The following DNAH14 variants were observed in gnomAD, a reference collection of about 807,000 sequenced individuals.
DNAH14 encodes dynein axonemal heavy chain 14.
Under a neutral mutation model 520.9 loss-of-function variants are expected in DNAH14, and 478 were observed. The observed-to-expected ratio is 0.92, with a 90% CI of 0.85 to 0.99. The LOEUF (loss-of-function observed/expected upper bound fraction) is 0.99, where lower values mean the gene tolerates loss of function less well. DNAH14 is among the 50% of genes least tolerant of loss of function. The probability of loss-of-function intolerance (pLI) is 0.00; values close to 1 mark genes in which losing one functional copy is unlikely to be tolerated. For missense variants in DNAH14, 4,831 were observed against 5,234.5 expected (o/e 0.92, Z 2.38); for synonymous variants, 1,581 against 1,757.2 (o/e 0.90, Z 2.51).
chr1:225,319,727 G>A (rs902494055), intron 61 of DNAH14, among the ~76,000 whole-genome samples: 3 of 152,112 alleles, frequency 2.0e-5, no homozygotes, highest in South Asian at 2.1e-4. Context: ...GCCCTGTTCT[G>A]GGCACTGAGG....
Position 225,398,547 on chromosome 1 carries a change from T to A in DNAH14, c.13519T>A (p.Tyr4507Asn), listed in dbSNP as rs1427152958. Residue 4507 changes from tyrosine to asparagine, a missense_variant, in exon 85 of 86, where the codon TAC becomes AAC. By Grantham distance (143) the Tyr-to-Asn change is moderately radical (BLOSUM62 -2). Coordinates refer to ENST00000682510, the MANE Select transcript of DNAH14 (RefSeq NM_001367479.1). ...CTCAGCTTCCTCTCACACTGGAGTT[T>A]ACATTTTTGGTTTATTCATCGAGGG... The part of the protein sequence containing the change: ...KGSASSHTGV[Y>N]IFGLFIEGAR... 2.6e-6 allele frequency: 4 copies of A among 1,551,628 alleles called. No individual in the cohort carries two copies. The African/African-American group carries it at 5.5e-5, about 21-fold the overall frequency.
intron 11 of DNAH14, among the ~76,000 whole-genome samples, chr1:225,030,941 A>G (rs1194925172): frequency 6.6e-6 from 1 of 152,030 alleles, no homozygotes; most frequent in Non-Finnish European, 1.5e-5. Flanking sequence ...TTGAGATTGC[A>G]TTGAATATAT....
chr1:225,313,266 T>C (rs1243894626), intron 60 of DNAH14, among the ~76,000 whole-genome samples: 1 of 152,226 alleles, frequency 6.6e-6, no homozygotes, highest in South Asian at 2.1e-4. Context: ...TGGTAGTTTG[T>C]ATTTCTGTGA....
intron 63 of DNAH14, 66 bp from the exon 64 acceptor site, chr1:225,324,671 T>C (rs887215532): frequency 2.6e-5 from 34 of 1,333,062 alleles, no homozygotes; most frequent in Non-Finnish European, 3.4e-5. Flanking sequence ...CTTTCAAATA[T>C]AAATGGCATT....
At chr1:225,398,485 T>C in intron 84 of DNAH14, 35 bp from the exon 85 acceptor site, 1 of 1,548,182 alleles carries the variant, frequency 6.5e-7, no homozygotes, top group Non-Finnish European at 8.7e-7. Flanking sequence ...CTGCTTCTCC[T>C]GGGGATCCCT....
chr1:224,951,197 TG>T (rs1247059408), intron 1 of DNAH14, among the ~76,000 whole-genome samples: 1 of 152,154 alleles, frequency 6.6e-6, no homozygotes, highest in Non-Finnish European at 1.5e-5. Flanking sequence ...GGCTAATTTT[TG>T]TATTTTTAGT....
chr1:225,197,756 CTTCATTAGGTATA>C (rs982308030), intron 38 of DNAH14, among the ~76,000 whole-genome samples: 7 of 152,106 alleles, frequency 4.6e-5, no homozygotes, highest in African/African-American at 1.7e-4. Context: ...CTTTCACCTC[CTTCATTAGGTATA>C]TTCCTAAGTA....
intron 3 of DNAH14, among the ~76,000 whole-genome samples, chr1:224,959,722 C>T (rs2125550315): frequency 6.6e-6 from 1 of 152,210 alleles, no homozygotes. Flanking sequence ...GGGTCCTCTT[C>T]TGTATTTATT....
At chr1:225,209,716 T>A (rs1426177721) in intron 41 of DNAH14, among the ~76,000 whole-genome samples, 1 of 152,272 alleles carries the variant, frequency 6.6e-6, no homozygotes, top group South Asian at 2.1e-4. Flanking sequence ...AATATATGAT[T>A]TAAGCATGAG....
At chr1:224,939,279 T>C (rs2059247080) in intron 1 of DNAH14, among the ~76,000 whole-genome samples, 1 of 152,190 alleles carries the variant, frequency 6.6e-6, no homozygotes, top group South Asian at 2.1e-4. Flanking sequence ...CTTTTTATTT[T>C]CACAGAGTAA....
chr1:225,001,574 T>C (rs979914170), intron 8 of DNAH14, among the ~76,000 whole-genome samples: 1 of 152,206 alleles, frequency 6.6e-6, no homozygotes, highest in African/African-American at 2.4e-5. Context: ...AATTTTTTCA[T>C]GTTTTCCATG....
chr1:225,190,392 C>T (rs76016627), intron 37 of DNAH14, among the ~76,000 whole-genome samples: 3,229 of 152,008 alleles, frequency 0.021, 89 homozygotes, highest in African/African-American at 0.062. Context: ...ATTTATGTCC[C>T]AGGTGGGACA....
chr1:225,335,906 C>A (rs1362666241), intron 66 of DNAH14, among the ~76,000 whole-genome samples: 1 of 135,806 alleles, frequency 7.4e-6, no homozygotes, highest in Admixed American at 7.5e-5. Flanking sequence ...TACATATATG[C>A]ATGTATGTAT....
intron 36 of DNAH14, among the ~76,000 whole-genome samples, chr1:225,170,695 C>T (rs1158199853): frequency 1.3e-5 from 2 of 152,284 alleles, no homozygotes; most frequent in Non-Finnish European, 1.5e-5. Flanking sequence ...CCACTGTCAA[C>T]ATTCGACAGA....
intron 23 of DNAH14, among the ~76,000 whole-genome samples, chr1:225,105,735 C>T (rs997047838): frequency 1.3e-5 from 2 of 151,942 alleles, no homozygotes; most frequent in African/African-American, 4.8e-5. Context: ...TTTCCATTTG[C>T]TTGGTAGATC....
intron 35 of DNAH14, among the ~76,000 whole-genome samples, chr1:225,166,849 TATTTTATAGTAGG>T (rs1479334558): frequency 3.3e-5 from 5 of 152,216 alleles, no homozygotes; most frequent in African/African-American, 9.6e-5. Context: ...CAGCCACGAA[TATTTTATAGTAGG>T]ATTATGATTT....
chr1:225,189,307 T>C (rs533381671), intron 37 of DNAH14, among the ~76,000 whole-genome samples: 16 of 151,864 alleles, frequency 1.1e-4, no homozygotes, highest in African/African-American at 3.9e-4. Context: ...TCCTTAAGGG[T>C]TATTGGTCTG....
intron 56 of DNAH14, among the ~76,000 whole-genome samples, chr1:225,301,363 T>G (rs967318063): frequency 1.3e-5 from 2 of 152,156 alleles, no homozygotes; most frequent in Non-Finnish European, 2.9e-5. Flanking sequence ...GATAATGATG[T>G]TCTTATTTCG....
chr1:225,140,899 T>C lies in DNAH14; in HGVS notation c.4386T>C (p.Thr1462=), dbSNP rs1367294291. ...TTGCAGACCTGGTAGTGCTGGATAC[T>C]AGTAACTCTCGAACAAAAGCTATAC... ...EEVADLVVLD[T]SNSRTKAILG... The change falls in exon 28 of 86, where the codon ACT becomes ACC. Residue 1462 remains threonine (T), a synonymous_variant. Transcript: ENST00000682510. 6.4e-7 allele frequency: 1 copy of C among 1,551,418 alleles called. No homozygotes were observed. Among genetic ancestry groups the C allele is most frequent in the Admixed American group, 2.0e-5 (1 of 50,994 alleles).
Sources: gnomAD v4.1 joint callset for allele counts (sites outside exome capture counted in the v4.1 genomes callset) on GRCh38, gnomAD v4.1.1 for gene constraint, MANE v1.5 for transcripts, NCBI Gene and HGNC (gene_info 2026-07-23, HGNC 2026-07-21) for gene names.